Variants in GAS6 observed in about 807,000 individuals in gnomAD.
GAS6 encodes the protein growth arrest-specific protein 6.
GAS6 carries 41 observed loss-of-function variants against 75.8 expected under a neutral mutation model. That is an observed-to-expected ratio of 0.54 (90% CI 0.42 to 0.70). The LOEUF is 0.70. Among genes scored for constraint, GAS6 ranks in the 30% least tolerant of loss-of-function variants. GAS6 has a pLI of 0.00. For synonymous variants in GAS6, 432 were observed against 412.6 expected (o/e 1.05, Z -0.57); for missense variants, 854 against 940.2 (o/e 0.91, Z 1.20).
chr13:113,861,154 T>C (rs979884863), intron 2 of GAS6, among the ~76,000 whole-genome samples: 3 of 152,192 alleles, frequency 2.0e-5, no homozygotes, highest in African/African-American at 7.2e-5. Context: ...GTTAGCAGTT[T>C]AGCAGGTGGA....
At chr13:113,841,428 C>A (rs574656376) in intron 4 of GAS6, 1 of 152,798 alleles carries the variant, frequency 6.5e-6, no homozygotes, top group Non-Finnish European at 1.5e-5. Flanking sequence ...CTCCGTATGC[C>A]TCACAGTTTG....
At chr13:113,847,901 G>A (rs1278612237) in intron 3 of GAS6, 125 bp downstream of exon 3, 22 of 879,508 alleles carry the variant, frequency 2.5e-5, no homozygotes, top group Non-Finnish European at 3.5e-5. Flanking sequence ...ACAGTTCCAC[G>A]TGCACCATGT....
intron 8 of GAS6, chr13:113,833,777 GGTGTGACAAGTCA>G (rs1163344982): frequency 9.9e-7 from 1 of 1,014,622 alleles, no homozygotes; most frequent in East Asian, 1.1e-4. Context: ...GTGAGACACT[GGTGTGACAAGTCA>G]GTGTGACAGG....
intron 8 of GAS6, chr13:113,833,851 G>GT (rs1383230963): frequency 9.6e-7 from 1 of 1,038,234 alleles, no homozygotes; most frequent in East Asian, 1.1e-4. Flanking sequence ...AGGTACTGTT[G>GT]TGACAGGTCG....
At chr13:113,836,196 G>A (rs1360676881) in intron 6 of GAS6, among the ~76,000 whole-genome samples, 2 of 44,674 alleles carry the variant, frequency 4.5e-5, no homozygotes, top group Non-Finnish European at 8.5e-5. Context: ...GGGGCACGGA[G>A]AAAGGTGGGG....
chr13:113,858,361 ATGTGTGCATG>A (rs2051931439), intron 2 of GAS6, among the ~76,000 whole-genome samples: 2 of 151,888 alleles, frequency 1.3e-5, no homozygotes, highest in Non-Finnish European at 2.9e-5. Flanking sequence ...GTCTATGTGA[ATGTGTGCATG>A]TGTGTGCATG....
rs752007610 is a variant in GAS6 at position 113,823,496 on chromosome 13, G to A, written c.1532C>T (p.Ala511Val). Residue 511 changes from alanine (A) to valine (V), a missense_variant, in exon 13 of 15, where the codon GCT (alanine) becomes GTT (valine). By Grantham distance (64) the Ala-to-Val change is moderately conservative (BLOSUM62 0). Transcript: ENST00000327773. ...TGTGTCTGCGGCTGGGCGGATGTGA[G>A]CCACGACTTCTACTTCCCAGGTTGA... ...TESTWEVEVV[A>V]HIRPAADTGV... is the part of the protein sequence containing the mutation. The A allele has an allele frequency of 8.7e-6, 14 of 1,612,654 alleles. No individual in the cohort carries two copies. Among genetic ancestry groups the A allele is most frequent in the Admixed American group, 1.7e-5 (1 of 59,996 alleles).
Sources: allele counts gnomAD v4.1 joint callset (sites outside exome capture counted in the v4.1 genomes callset), GRCh38; gene constraint gnomAD v4.1.1; transcripts MANE v1.5; gene names NCBI Gene and HGNC (gene_info 2026-07-23, HGNC 2026-07-21).